SYNPO2: variants seen among roughly 807,000 people sequenced by gnomAD.
SYNPO2 encodes synaptopodin-2.
Under a neutral mutation model 85.0 loss-of-function variants are expected in SYNPO2, and 56 were observed. The ratio of observed to expected loss-of-function variants is 0.66; its 90% CI spans 0.53 to 0.82. The LOEUF is 0.82. SYNPO2 is among the 40% of genes least tolerant of loss of function. The pLI is 0.00. For missense variants in SYNPO2, 1,575 were observed against 1,534.2 expected, an observed-to-expected ratio of 1.03 and a Z score of -0.44; for synonymous variants, 602 against 591.1, an observed-to-expected ratio of 1.02 and a Z score of -0.27.
chr4:118,880,268 C>A (rs1450065540), intron 1 of SYNPO2, among the ~76,000 whole-genome samples: 1 of 152,116 alleles, frequency 6.6e-6, no homozygotes, highest in Non-Finnish European at 1.5e-5. Context: ...AACTAATAAG[C>A]AGTTAGGCTA....
exon 1 of SYNPO2, chr4:118,850,791 G>A: frequency 5.0e-6 from 2 of 398,648 alleles, no homozygotes; most frequent in Non-Finnish European, 4.4e-6. Context: ...CTCCAATCTT[G>A]AGGATGGATC....
intron 1 of SYNPO2, among the ~76,000 whole-genome samples, chr4:118,975,817 G>A (rs1295713320): frequency 6.6e-6 from 1 of 152,180 alleles, no homozygotes; most frequent in African/African-American, 2.4e-5. Context: ...CAGCCTGAGA[G>A]GGAATCTACC....
intron 1 of SYNPO2, among the ~76,000 whole-genome samples, chr4:118,944,112 G>A (rs911446475): frequency 6.6e-6 from 1 of 151,854 alleles, no homozygotes; most frequent in African/African-American, 2.4e-5. Context: ...TTATCCTCAA[G>A]TTCTTTTCTT....
chr4:118,962,455 A>C (rs6534115), intron 1 of SYNPO2, among the ~76,000 whole-genome samples: 105,610 of 151,996 alleles, frequency 0.69, 36,866 homozygotes, highest in South Asian at 0.78. Flanking sequence ...TTGGGAGCAC[A>C]TGGAATAATA....
intron 1 of SYNPO2, among the ~76,000 whole-genome samples, chr4:118,873,879 C>G (rs906140932): frequency 1.3e-5 from 2 of 152,004 alleles, no homozygotes; most frequent in Admixed American, 6.5e-5. Flanking sequence ...GAGAGGAGCC[C>G]AGACTCATTC....
chr4:118,925,400 A>AT (rs1026342535), intron 1 of SYNPO2, among the ~76,000 whole-genome samples: 8 of 149,192 alleles, frequency 5.4e-5, no homozygotes, highest in Admixed American at 1.3e-4. Flanking sequence ...ACACCTTGTC[A>AT]TTTTTTTTTT....
chr4:118,881,170 C>T (rs1226116602), intron 1 of SYNPO2, among the ~76,000 whole-genome samples: 9 of 151,696 alleles, frequency 5.9e-5, no homozygotes, highest in Non-Finnish European at 8.8e-5. Context: ...GGTGTAGTGG[C>T]GGGCGCCTGT....
chr4:118,904,424 A>G (rs1317944794), intron 1 of SYNPO2, among the ~76,000 whole-genome samples: 1 of 152,192 alleles, frequency 6.6e-6, no homozygotes, highest in East Asian at 1.9e-4. Flanking sequence ...ATGCTGCCTC[A>G]CATTTGCTGA....
intron 1 of SYNPO2, among the ~76,000 whole-genome samples, chr4:118,899,954 G>A (rs1169496731): frequency 6.6e-6 from 1 of 152,086 alleles, no homozygotes; most frequent in African/African-American, 2.4e-5. Context: ...TAGAGATGAG[G>A]TTTCACCATG....
chr4:118,927,146 T>C (rs1453657516), intron 1 of SYNPO2, among the ~76,000 whole-genome samples: 3 of 152,150 alleles, frequency 2.0e-5, no homozygotes, highest in Admixed American at 2.0e-4. Context: ...GCAAGTTAAC[T>C]GTCTTGGTCT....
chr4:118,885,557 C>G (rs1732184218), upstream of SYNPO2, among the ~76,000 whole-genome samples: 1 of 151,548 alleles, frequency 6.6e-6, no homozygotes, highest in Non-Finnish European at 1.5e-5. Flanking sequence ...ACTGCAACCT[C>G]TGCCTCCCAG....
In SYNPO2 at chr4:119,030,986, C is replaced by T. The variant is rs777594117; in HGVS notation, c.2211C>T (p.Ser737=). ...CCGGACCGGAAGAAGACTACCTCAG[C>T]TTGGGGGCAGAGGCTTGTAATTTCA... is the stretch of plus-strand genomic sequence containing the variant. ...GDSGPEEDYL[S]LGAEACNFMQ... The change falls in exon 4 of 5, where the codon AGC becomes AGT. Residue 737 remains serine, a synonymous_variant. Transcript: ENST00000307142. 3.1e-6 allele frequency: 5 copies of T among 1,614,130 alleles called. No homozygotes were observed. The Admixed American group carries it at 8.3e-5, about 27-fold the overall frequency.
At chr4:118,860,311 A>G (rs1731586301) in intron 1 of SYNPO2, among the ~76,000 whole-genome samples, 1 of 151,024 alleles carries the variant, frequency 6.6e-6, no homozygotes, top group Non-Finnish European at 1.5e-5. Context: ...TGGCATGATC[A>G]CAGCTCACTG....
chr4:118,965,552 A>G (rs1560919792), intron 1 of SYNPO2, among the ~76,000 whole-genome samples: 2 of 152,070 alleles, frequency 1.3e-5, no homozygotes, highest in African/African-American at 4.8e-5. Flanking sequence ...GGAGACTTTT[A>G]TGTTCCAGGA....
chr4:118,984,647 C>T (rs1481217690), intron 1 of SYNPO2, among the ~76,000 whole-genome samples: 1 of 152,188 alleles, frequency 6.6e-6, no homozygotes, highest in Non-Finnish European at 1.5e-5. Context: ...CTTCCAGCTT[C>T]ACCTCAGATG....
intron 1 of SYNPO2, among the ~76,000 whole-genome samples, chr4:118,930,354 T>C (rs980014110): frequency 6.6e-6 from 1 of 152,252 alleles, no homozygotes; most frequent in African/African-American, 2.4e-5. Flanking sequence ...GTACTTTTTA[T>C]CATCTCCTTC....
chr4:118,916,658 A>G (rs1394918028), intron 1 of SYNPO2, among the ~76,000 whole-genome samples: 1 of 150,774 alleles, frequency 6.6e-6, no homozygotes, highest in Non-Finnish European at 1.5e-5. Flanking sequence ...CTTAGATATA[A>G]TGCTGTTTTT....
chr4:118,930,709 G>A (rs1302958763), intron 1 of SYNPO2, among the ~76,000 whole-genome samples: 1 of 145,260 alleles, frequency 6.9e-6, no homozygotes, highest in Non-Finnish European at 1.5e-5. Context: ...GAGCCCAGGA[G>A]TTCAAGACCA....
At chr4:118,878,905 C>T (rs933732839) in intron 1 of SYNPO2, among the ~76,000 whole-genome samples, 9 of 152,208 alleles carry the variant, frequency 5.9e-5, no homozygotes, top group Admixed American at 2.0e-4. Flanking sequence ...CTTTCTCTCT[C>T]TGCAGTAAAT....
Sources: allele counts gnomAD v4.1 joint callset (sites outside exome capture counted in the v4.1 genomes callset), GRCh38; gene constraint gnomAD v4.1.1; transcripts MANE v1.5; gene names NCBI Gene and HGNC (gene_info 2026-07-23, HGNC 2026-07-21).